The following CFAP299 variants were observed in gnomAD, a reference collection of about 807,000 sequenced individuals.
The protein encoded by CFAP299 is cilia and flagella associated protein 299, also known as cilia- and flagella-associated protein 299.
Under a neutral mutation model 27.0 loss-of-function variants are expected in CFAP299, and 21 were observed. That is an observed-to-expected ratio of 0.78 (90% confidence interval 0.55 to 1.12). The LOEUF (loss-of-function observed/expected upper bound fraction) is 1.12. Among genes scored for constraint, CFAP299 ranks in the 50% most tolerant of loss-of-function variants. The pLI is 0.00. For missense variants in CFAP299, 310 were observed against 276.6 expected (o/e 1.12, Z -0.86); for synonymous variants, 104 against 98.1 (o/e 1.06, Z -0.36).
chr4:80,897,823 G>A (rs753985478), intron 4 of CFAP299, among the ~76,000 whole-genome samples: 78 of 152,176 alleles, frequency 5.1e-4, no homozygotes, highest in Non-Finnish European at 8.5e-4. Context: ...GATTTCCCCT[G>A]TGAGAGCTTC....
intron 3 of CFAP299, among the ~76,000 whole-genome samples, chr4:80,608,568 T>C (rs1420978400): frequency 6.6e-6 from 1 of 152,162 alleles, no homozygotes; most frequent in African/African-American, 2.4e-5. Flanking sequence ...TCCAGAATTT[T>C]TTTAGGGTAA....
chr4:80,856,394 G>T (rs990633171), intron 3 of CFAP299, among the ~76,000 whole-genome samples: 1 of 151,388 alleles, frequency 6.6e-6, no homozygotes, highest in South Asian at 2.1e-4. Flanking sequence ...CTGTGCAGAA[G>T]CTCTTTAGTT....
chr4:80,690,365 A>G (rs187288709), intron 3 of CFAP299, among the ~76,000 whole-genome samples: 81 of 152,318 alleles, frequency 5.3e-4, no homozygotes, highest in African/African-American at 1.9e-3. Flanking sequence ...AGTGAAATCA[A>G]ACTAGAACTC....
chr4:80,755,768 C>G (rs556602255), intron 3 of CFAP299, among the ~76,000 whole-genome samples: 4 of 152,222 alleles, frequency 2.6e-5, no homozygotes, highest in Admixed American at 6.5e-5. Context: ...CTAGCAAGTA[C>G]TTTTACACTT....
chr4:80,704,545 G>A (rs575089661), intron 3 of CFAP299, among the ~76,000 whole-genome samples: 10 of 151,862 alleles, frequency 6.6e-5, no homozygotes, highest in African/African-American at 2.2e-4. Context: ...TGGATACTAT[G>A]TGATACATTT....
At chr4:80,868,520 T>C (rs1054116063) in intron 3 of CFAP299, among the ~76,000 whole-genome samples, 36 of 152,336 alleles carry the variant, frequency 2.4e-4, no homozygotes, top group African/African-American at 7.7e-4. Context: ...CCTCTATCTC[T>C]GAAAGGGTAG....
At chr4:80,457,732 A>G (rs1729235039) in intron 2 of CFAP299, among the ~76,000 whole-genome samples, 1 of 152,010 alleles carries the variant, frequency 6.6e-6, no homozygotes, top group African/African-American at 2.4e-5. Context: ...TTTTCATGGG[A>G]TGCTCCATGC....
chr4:80,728,715 T>C (rs996690138), intron 3 of CFAP299, among the ~76,000 whole-genome samples: 11 of 152,306 alleles, frequency 7.2e-5, no homozygotes, highest in South Asian at 2.1e-4. Flanking sequence ...TCTATCTTAG[T>C]TCCTGCATTA....
intron 2 of CFAP299, among the ~76,000 whole-genome samples, chr4:80,521,802 T>C (rs1402044122): frequency 6.6e-6 from 1 of 152,054 alleles, no homozygotes. Context: ...CTTTTTTTTT[T>C]TGTAAGTTCA....
intron 2 of CFAP299, among the ~76,000 whole-genome samples, chr4:80,498,195 A>G (rs1731558217): frequency 6.6e-6 from 1 of 152,148 alleles, no homozygotes; most frequent in South Asian, 2.1e-4. Flanking sequence ...TGGCAAATAA[A>G]TTATGACTAA....
chr4:80,682,145 G>A (rs1719881203), intron 3 of CFAP299, among the ~76,000 whole-genome samples: 1 of 152,108 alleles, frequency 6.6e-6, no homozygotes, highest in South Asian at 2.1e-4. Flanking sequence ...TTTTTCTCTG[G>A]ACAATATCAT....
At chr4:80,737,051 A>T (rs1723939826) in intron 3 of CFAP299, among the ~76,000 whole-genome samples, 1 of 152,018 alleles carries the variant, frequency 6.6e-6, no homozygotes, top group South Asian at 2.1e-4. Flanking sequence ...TTCTCAGTAA[A>T]CTATCACAAA....
chr4:80,734,007 A>G (rs999669282), intron 3 of CFAP299, among the ~76,000 whole-genome samples: 1 of 151,962 alleles, frequency 6.6e-6, no homozygotes, highest in Non-Finnish European at 1.5e-5. Flanking sequence ...TAGATTGTAT[A>G]ATAGCTCTAT....
chr4:80,348,592 A>T (rs1378527435), intron 1 of CFAP299, among the ~76,000 whole-genome samples: 1 of 152,226 alleles, frequency 6.6e-6, no homozygotes, highest in South Asian at 2.1e-4. Flanking sequence ...ATACCATCTC[A>T]CGCCAGTAAG....
chr4:80,838,606 T>C (rs1730693420), intron 3 of CFAP299, among the ~76,000 whole-genome samples: 1 of 152,148 alleles, frequency 6.6e-6, no homozygotes, highest in Admixed American at 6.6e-5. Context: ...GCCTCTGTTC[T>C]GTTCCTTTGG....
chr4:80,963,470 C>G, intron 5 of CFAP299, 47 bp from the exon 6 acceptor site: 1 of 1,324,140 alleles, frequency 7.6e-7, no homozygotes, highest in Non-Finnish European at 1.0e-6. Context: ...TAAAAAAGGC[C>G]AAGTATTTTT....
intron 2 of CFAP299, among the ~76,000 whole-genome samples, chr4:80,434,021 A>G (rs1465433292): frequency 1.3e-5 from 2 of 152,124 alleles, no homozygotes; most frequent in East Asian, 1.9e-4. Context: ...TTCAACAACT[A>G]TTTACCAAAT....
intron 4 of CFAP299, chr4:80,871,276 C>T: frequency 1.0e-6 from 1 of 985,456 alleles, no homozygotes. Context: ...TAACTTCTCT[C>T]TTGCAGTAAT....
chr4:80,807,082 C>T (rs1728900955), intron 3 of CFAP299, among the ~76,000 whole-genome samples: 1 of 152,044 alleles, frequency 6.6e-6, no homozygotes, highest in African/African-American at 2.4e-5. Flanking sequence ...CACTGCTTTT[C>T]TTGAAATCAA....
Sources: gnomAD v4.1 joint callset for allele counts (sites outside exome capture counted in the v4.1 genomes callset) on GRCh38, gnomAD v4.1.1 for gene constraint, MANE v1.5 for transcripts, NCBI Gene and HGNC (gene_info 2026-07-23, HGNC 2026-07-21) for gene names.